PPP2R2C: variants seen among roughly 807,000 people sequenced by gnomAD.
PPP2R2C encodes the protein protein phosphatase 2 regulatory subunit Bgamma.
Under a neutral mutation model 45.3 loss-of-function variants are expected in PPP2R2C, and 10 were observed. The observed-to-expected ratio is 0.22, with a 90% CI of 0.14 to 0.37. PPP2R2C has a LOEUF of 0.37. PPP2R2C is among the 10% of genes least tolerant of loss of function. The pLI is 1.00. For missense variants in PPP2R2C, 308 were observed against 619.7 expected (o/e 0.50, Z 5.34); for synonymous variants, 257 against 245.4 (o/e 1.05, Z -0.44).
chr4:6,436,277 T>C (rs1385270857), intron 1 of PPP2R2C, among the ~76,000 whole-genome samples: 1 of 152,244 alleles, frequency 6.6e-6, no homozygotes, highest in Non-Finnish European at 1.5e-5. Flanking sequence ...AATGCACTTG[T>C]TCTTATTGCT....
intron 5 of PPP2R2C, among the ~76,000 whole-genome samples, chr4:6,351,951 G>C (rs1210255486): frequency 1.3e-5 from 2 of 152,196 alleles, no homozygotes; most frequent in African/African-American, 4.8e-5. Flanking sequence ...ACCAAGTGGG[G>C]TGGCCCCTGT....
intron 5 of PPP2R2C, chr4:6,349,423 C>T (rs138029653): frequency 1.3e-3 from 1,287 of 976,924 alleles, no homozygotes; most frequent in Non-Finnish European, 1.4e-3. Flanking sequence ...AGAGGCAAAG[C>T]CCTTCACACA....
rs74367319 is a variant in PPP2R2C, at chr4:6,509,186, A to G, written c.49+26085T>C. On this transcript the variant is annotated intron_variant, in intron 2 of 9. Coordinates refer to the PPP2R2C transcript ENST00000506140. ...GAACTTCTCAGACAGCAAACTGTAC[A>G]TGAAGCTGGATTTTCCCATGGTTGG... 8.1e-3 allele frequency among the ~76,000 whole-genome samples: 1,240 copies of G among 152,346 alleles called. 21 individuals are homozygous for G. The highest frequency in any genetic ancestry group is 0.029 in the African/African-American group (1,188 of 41,580).
At chr4:6,344,819 T>C (rs1369759581) in intron 6 of PPP2R2C, among the ~76,000 whole-genome samples, 1 of 152,200 alleles carries the variant, frequency 6.6e-6, no homozygotes, top group Non-Finnish European at 1.5e-5. Flanking sequence ...CCCTGTGGCA[T>C]TAAAAATTCT....
chr4:6,500,486 G>A (rs1479096439), intron 2 of PPP2R2C, among the ~76,000 whole-genome samples: 1 of 152,200 alleles, frequency 6.6e-6, no homozygotes, highest in Non-Finnish European at 1.5e-5. Context: ...TGAGAAGACA[G>A]GAGTCACCCT....
chr4:6,433,541 C>A (rs568846350), intron 1 of PPP2R2C, among the ~76,000 whole-genome samples: 1 of 152,284 alleles, frequency 6.6e-6, no homozygotes, highest in South Asian at 2.1e-4. Context: ...CAGGCTAAGG[C>A]CCCCTCCCTG....
intron 2 of PPP2R2C, among the ~76,000 whole-genome samples, chr4:6,497,962 A>G (rs2108791600): frequency 6.6e-6 from 1 of 152,386 alleles, no homozygotes; most frequent in African/African-American, 2.4e-5. Flanking sequence ...AAAGCCTGCG[A>G]ATGTGGAGAG....
intron 1 of PPP2R2C, among the ~76,000 whole-genome samples, chr4:6,538,488 A>G (rs1200957051): frequency 6.6e-6 from 1 of 152,212 alleles, no homozygotes; most frequent in African/African-American, 2.4e-5. Flanking sequence ...GGTGCTGAAC[A>G]CACCCAATGG....
In PPP2R2C at chr4:6,369,208, C is replaced by T. The variant is rs556029578; in HGVS notation, c.625+3315G>A. On this transcript the variant is annotated intron_variant, in intron 5 of 8. Coordinates refer to ENST00000382599, the MANE Select transcript of PPP2R2C (RefSeq NM_020416.4). ...TGGAACTAAATCAAATTAACGATGT[C>T]GCTCCTCAGTCACCAAGCCACGTTT... is the stretch of plus-strand genomic sequence containing the variant. Among the ~76,000 whole-genome samples the T allele has an allele frequency of 4.6e-5, 7 of 152,294 alleles. 1 individual carries two copies. Among genetic ancestry groups the T allele is most frequent in the Middle Eastern group, 3.4e-3 (1 of 294 alleles).
chr4:6,464,645 A>C (rs1481766893), intron 1 of PPP2R2C, among the ~76,000 whole-genome samples: 1 of 152,204 alleles, frequency 6.6e-6, no homozygotes, highest in Non-Finnish European at 1.5e-5. Context: ...AAATTAGACT[A>C]CCTAATGTTG....
At chr4:6,440,419 C>T (rs940683552) in intron 1 of PPP2R2C, among the ~76,000 whole-genome samples, 2 of 152,184 alleles carry the variant, frequency 1.3e-5, no homozygotes, top group South Asian at 2.1e-4. Flanking sequence ...CTCAGAGTCC[C>T]CTGGGGCCAA....
At chr4:6,535,257 A>T in intron 2 of PPP2R2C, 1 of 1,535,232 alleles carries the variant, frequency 6.5e-7, no homozygotes, top group Non-Finnish European at 8.7e-7. Context: ...CGGCTGTGAG[A>T]ACGGGCTTCT....
intron 2 of PPP2R2C, among the ~76,000 whole-genome samples, chr4:6,483,661 A>G (rs1722437575): frequency 6.6e-6 from 1 of 152,022 alleles, no homozygotes; most frequent in Admixed American, 6.6e-5. Flanking sequence ...AGAATCCTTT[A>G]TATATTCTAG....
intron 1 of PPP2R2C, among the ~76,000 whole-genome samples, chr4:6,553,829 C>T (rs538149892): frequency 6.6e-6 from 1 of 152,238 alleles, no homozygotes; most frequent in African/African-American, 2.4e-5. Context: ...GAAGTGACCT[C>T]ATTTATCCTT....
At position 6,322,039 on chromosome 4, in the gene PPP2R2C, C is replaced by G. The variant is rs1262961833; in HGVS notation, c.*1263G>C. The G allele has an allele frequency of 1.3e-5, 2 of 152,184 alleles. No homozygotes were observed. The highest frequency in any genetic ancestry group is 2.9e-5 in the Non-Finnish European group (2 of 68,060). The allele number at this position is 152,184 out of a possible 1,614,324, so 9.4% of individuals were successfully genotyped here. A position where few individuals can be genotyped will look rare whatever the true frequency, so the allele number is the denominator to read the frequency against. Reference sequence around the variant, plus strand: ...ACACTCCTGAAGCCACCAAGCAGAGCGAGGAGCTCCGGGGGGTCTTCTCTG... The same window carrying G: ...ACACTCCTGAAGCCACCAAGCAGAGGGAGGAGCTCCGGGGGGTCTTCTCTG... On this transcript the variant is annotated 3_prime_UTR_variant, in exon 9 of 9. Transcript: ENST00000382599. The surrounding 1 kb of genome is among the most constrained non-coding windows in gnomAD (Gnocchi z 7.8).
chr4:6,349,314 G>A (rs954871095), intron 5 of PPP2R2C: 2 of 984,074 alleles, frequency 2.0e-6, no homozygotes, highest in Non-Finnish European at 2.4e-6. Context: ...CCTCCTGGCT[G>A]TGTGACCCTG....
intron 5 of PPP2R2C, among the ~76,000 whole-genome samples, chr4:6,370,731 C>T (rs4440300): frequency 0.78 from 119,423 of 152,194 alleles, 50,716 homozygotes; most frequent in East Asian, 1. Flanking sequence ...CCACCTGGCC[C>T]GCAGCTCTCT....
intron 1 of PPP2R2C, among the ~76,000 whole-genome samples, chr4:6,416,864 C>T (rs12511794): frequency 0.24 from 36,756 of 152,016 alleles, 4,784 homozygotes; most frequent in Admixed American, 0.37. Context: ...CTCCTGGCCT[C>T]TCTCCCTTCC....
intron 1 of PPP2R2C, among the ~76,000 whole-genome samples, chr4:6,553,921 T>C (rs1725270767): frequency 6.6e-6 from 1 of 152,124 alleles, no homozygotes; most frequent in African/African-American, 2.4e-5. Flanking sequence ...CCAAATGGCC[T>C]CGGTCCCAGT....
Sources: allele counts gnomAD v4.1 joint callset (sites outside exome capture counted in the v4.1 genomes callset), GRCh38; gene constraint gnomAD v4.1.1; non-coding constraint Gnocchi (gnomAD v3.1); transcripts MANE v1.5; gene names NCBI Gene and HGNC (gene_info 2026-07-23, HGNC 2026-07-21).